Variants in NDC80 observed in about 807,000 individuals in gnomAD.
NDC80 encodes the protein kinetochore protein NDC80 homolog.
Under a neutral mutation model 89.3 loss-of-function variants are expected in NDC80, and 69 were observed. The observed-to-expected ratio is 0.77, with a 90% CI of 0.64 to 0.94. The LOEUF (loss-of-function observed/expected upper bound fraction) is 0.94. NDC80 is among the 40% of genes least tolerant of loss of function. The pLI is 0.00. For missense variants in NDC80, 593 were observed against 739.6 expected (o/e 0.80, Z 2.30); for synonymous variants, 243 against 255.6 (o/e 0.95, Z 0.47).
At chr18:2,616,288 G>A (rs1409897937) in intron 16 of NDC80, 149 bp from the exon 17 acceptor site, 1 of 443,330 alleles carries the variant, frequency 2.3e-6, no homozygotes, top group Admixed American at 4.5e-5. Flanking sequence ...GCCTCATAAA[G>A]TGCTGGGATT....
At chr18:2,574,678 T>C (rs2072536744) in intron 2 of NDC80, among the ~76,000 whole-genome samples, 1 of 152,124 alleles carries the variant, frequency 6.6e-6, no homozygotes, top group African/African-American at 2.4e-5. Flanking sequence ...AGAAAATGTT[T>C]AGATAGTTAT....
intron 11 of NDC80, among the ~76,000 whole-genome samples, chr18:2,597,614 G>A (rs9963229): frequency 2.0e-5 from 3 of 151,912 alleles, no homozygotes; most frequent in South Asian, 2.1e-4. Flanking sequence ...GCCTGTAATC[G>A]CAGCTACTTG....
At chr18:2,590,841 T>C (rs2072624053) in intron 10 of NDC80, among the ~76,000 whole-genome samples, 1 of 152,218 alleles carries the variant, frequency 6.6e-6, no homozygotes, top group African/African-American at 2.4e-5. Context: ...TATAGAAATA[T>C]ATAAAAATTC....
chr18:2,577,704 A>T, intron 3 of NDC80, 42 bp from the exon 4 acceptor site: 1 of 1,603,578 alleles, frequency 6.2e-7, no homozygotes, highest in Non-Finnish European at 8.5e-7. Context: ...TTGATCACAG[A>T]AGCAAATAGT....
intron 6 of NDC80, chr18:2,582,233 C>T (rs35165907): frequency 0.016 from 2,472 of 152,240 alleles, 26 homozygotes; most frequent in Non-Finnish European, 0.025. Flanking sequence ...CCCACCACCA[C>T]GCCCAGCTAA....
chr18:2,581,010 G>A (rs1598365110), intron 6 of NDC80, among the ~76,000 whole-genome samples: 1 of 151,968 alleles, frequency 6.6e-6, no homozygotes, highest in Middle Eastern at 3.4e-3. Flanking sequence ...AAAGTGCTGG[G>A]ATTACAGGCA....
chr18:2,580,686 A>T (rs2072572425), intron 6 of NDC80, among the ~76,000 whole-genome samples: 1 of 140,432 alleles, frequency 7.1e-6, no homozygotes, highest in African/African-American at 2.6e-5. Flanking sequence ...CTCCCCGGTG[A>T]TGCCCATGGA....
chr18:2,607,967 A>G lies in NDC80; in HGVS notation c.1558-733A>G, dbSNP rs542101332. On this transcript the variant is annotated intron_variant, in intron 14 of 16. Coordinates refer to ENST00000261597, the MANE Select transcript of NDC80 (RefSeq NM_006101.3). ...TTTTTATTTTACATATATACATAGT[A>G]TATATATATATATATATATATATAT... Among the ~76,000 whole-genome samples the G allele has an allele frequency of 2.0e-4, 16 of 81,140 alleles. No individual in the cohort carries two copies. In the East Asian group the frequency reaches 6.2e-3, roughly 31 times the overall value. The allele number at this position is 81,140 out of a possible 152,430, so 53.2% of individuals were successfully genotyped here. A position where few individuals can be genotyped will look rare whatever the true frequency, so the allele number is the denominator to read the frequency against.
chr18:2,582,205 T>A (rs1174975782), intron 6 of NDC80: 3 of 152,266 alleles, frequency 2.0e-5, no homozygotes, highest in African/African-American at 7.2e-5. Flanking sequence ...GCCTCCCAAG[T>A]AGCTAGGATT....
intron 13 of NDC80, among the ~76,000 whole-genome samples, chr18:2,602,201 T>G (rs1159362623): frequency 6.6e-6 from 1 of 152,186 alleles, no homozygotes; most frequent in African/African-American, 2.4e-5. Flanking sequence ...ATTTTATGTT[T>G]TCTCAGAAGA....
At chr18:2,584,393 A>G (rs1262881605) in intron 6 of NDC80, among the ~76,000 whole-genome samples, 1 of 151,114 alleles carries the variant, frequency 6.6e-6, no homozygotes, top group Non-Finnish European at 1.5e-5. Context: ...TTATATCTAC[A>G]TTTTTATATA....
intron 1 of NDC80, among the ~76,000 whole-genome samples, 157 bp from the exon 2 acceptor site, chr18:2,572,820 C>A (rs780887808): frequency 6.6e-6 from 1 of 152,140 alleles, no homozygotes; most frequent in East Asian, 1.9e-4. Context: ...ATGAGAACTT[C>A]AGTGTACATG....
Position 2,575,098 on chromosome 18 carries a change from G to A in NDC80, c.179+32G>A. 6 of 1,465,518 alleles carry A rather than the reference G, an allele frequency of 4.1e-6. No individual in the cohort carries two copies. In the East Asian group the frequency reaches 1.2e-4, roughly 28 times the overall value. 90.8% of individuals were successfully genotyped at this position (1,465,518 alleles called of 1,614,324 possible). On this transcript the variant is annotated intron_variant, in intron 3 of 16. Coordinates refer to ENST00000261597, the MANE Select transcript of NDC80 (RefSeq NM_006101.3). ...ATATTTTTCATTAGCTCTAATAAAG[G>A]GATTCTTATAGCCATACGTTGTTGC...
intron 12 of NDC80, among the ~76,000 whole-genome samples, chr18:2,600,513 G>A (rs2072678916): frequency 6.6e-6 from 1 of 151,968 alleles, no homozygotes; most frequent in African/African-American, 2.4e-5. Context: ...GGAGGCTGAG[G>A]CAGAGGAATC....
chr18:2,580,731 A>ATTTTTTTTTTTTTTTTTTTTTTTTTTT lies in NDC80; in HGVS notation c.579+1705_579+1731dup, dbSNP rs71365186. On this transcript the variant is annotated intron_variant, in intron 6 of 16. Coordinates refer to ENST00000261597, the MANE Select transcript of NDC80 (RefSeq NM_006101.3). The stretch of plus-strand genomic sequence containing the variant: ...ACTACTTTTTTGGTCTCACCATCAG[A>ATTTTTTTTTTTTTTTTTTTTTTTTTTT]TTTTTTTTTTTTTTTTTTTTTTTTT... Among the ~76,000 whole-genome samples, 5 of 55,452 alleles carry ATTTTTTTTTTTTTTTTTTTTTTTTTTT rather than the reference A, an allele frequency of 9.0e-5. 1 individual carries two copies. The highest frequency in any genetic ancestry group is 9.2e-4 in the East Asian group (1 of 1,090). The allele number at this position is 55,452 out of a possible 152,430, so 36.4% of individuals were successfully genotyped here.
chr18:2,596,362 G>A (rs904062288), intron 11 of NDC80, among the ~76,000 whole-genome samples: 10 of 151,896 alleles, frequency 6.6e-5, no homozygotes, highest in Non-Finnish European at 1.0e-4. Context: ...AAAAGTGGGC[G>A]AAGGACATGA....
chr18:2,600,392 C>T (rs948993547), intron 12 of NDC80, among the ~76,000 whole-genome samples: 37 of 152,010 alleles, frequency 2.4e-4, no homozygotes, highest in African/African-American at 8.5e-4. Context: ...GGGCAGATCA[C>T]GAGGTCAGGA....
At chr18:2,602,804 A>G (rs182633220) in intron 13 of NDC80, among the ~76,000 whole-genome samples, 4 of 152,336 alleles carry the variant, frequency 2.6e-5, no homozygotes, top group African/African-American at 7.2e-5. Context: ...TTAGGTTTAC[A>G]AAACCCTTTG....
chr18:2,573,331 G>T (rs933417443), intron 2 of NDC80, among the ~76,000 whole-genome samples: 11 of 152,082 alleles, frequency 7.2e-5, no homozygotes, highest in Non-Finnish European at 1.5e-5. Flanking sequence ...CCCCTAAAAG[G>T]ACTGTTAATT....
Sources: gnomAD v4.1 joint callset for allele counts (sites outside exome capture counted in the v4.1 genomes callset) on GRCh38, gnomAD v4.1.1 for gene constraint, MANE v1.5 for transcripts, NCBI Gene and HGNC (gene_info 2026-07-23, HGNC 2026-07-21) for gene names.